The following WDPCP variants were observed in gnomAD, a reference collection of about 807,000 sequenced individuals.
WDPCP encodes the protein WD repeat-containing and planar cell polarity effector protein fritz homolog.
A neutral mutation model predicts 93.1 loss-of-function variants in WDPCP; 71 were observed. The ratio of observed to expected loss-of-function variants is 0.76; its 90% CI spans 0.63 to 0.93. WDPCP has a LOEUF of 0.93. Ranked by LOEUF, WDPCP falls within the 40% of genes least tolerant of loss-of-function variation. WDPCP has a pLI of 0.00. For synonymous variants in WDPCP, 315 were observed against 315.0 expected (o/e 1.00, Z 0.00); for missense variants, 844 against 887.4 (o/e 0.95, Z 0.62).
At chr2:63,666,551 C>A (rs1331019989) in intron 2 of WDPCP, among the ~76,000 whole-genome samples, 2 of 152,176 alleles carry the variant, frequency 1.3e-5, no homozygotes, top group African/African-American at 2.4e-5. Flanking sequence ...CACGCATAAT[C>A]CTGCAGAACT....
intron 9 of WDPCP, among the ~76,000 whole-genome samples, chr2:63,426,067 T>C (rs1696260994): frequency 1.3e-5 from 2 of 152,138 alleles, no homozygotes; most frequent in Admixed American, 1.3e-4. Flanking sequence ...AGGCCGGGCA[T>C]GGTGGCTCAC....
chr2:63,718,965 TG>T (rs767613614), intron 2 of WDPCP, among the ~76,000 whole-genome samples: 15 of 152,184 alleles, frequency 9.9e-5, no homozygotes, highest in Non-Finnish European at 1.5e-5. Flanking sequence ...TATGGGTACT[TG>T]CCAATATAGC....
intron 14 of WDPCP, among the ~76,000 whole-genome samples, chr2:63,203,714 G>C (rs1477541617): frequency 6.6e-6 from 1 of 152,010 alleles, no homozygotes; most frequent in Admixed American, 6.5e-5. Context: ...TTAATTTTTA[G>C]CTCTTATAAA....
chr2:63,221,083 T>C (rs368557233), intron 14 of WDPCP, among the ~76,000 whole-genome samples: 2 of 152,260 alleles, frequency 1.3e-5, no homozygotes, highest in South Asian at 2.1e-4. Flanking sequence ...GTACCACATT[T>C]TCTTTATCCA....
At chr2:63,648,690 G>C (rs1369707055) in intron 3 of WDPCP, among the ~76,000 whole-genome samples, 1 of 152,022 alleles carries the variant, frequency 6.6e-6, no homozygotes, top group African/African-American at 2.4e-5. Context: ...CCATTTTGTT[G>C]CACGAATAAG....
At chr2:63,718,037 A>G (rs1669362577) in intron 2 of WDPCP, 1 of 152,698 alleles carries the variant, frequency 6.5e-6, no homozygotes, top group Non-Finnish European at 1.5e-5. Flanking sequence ...CTGAAAATAC[A>G]TTTGAGGTAA....
chr2:63,549,640 C>T (rs924595665), intron 1 of WDPCP, among the ~76,000 whole-genome samples: 1 of 152,078 alleles, frequency 6.6e-6, no homozygotes, highest in Non-Finnish European at 1.5e-5. Context: ...GTGGCAGAAG[C>T]CTGTAATCCC....
intron 1 of WDPCP, among the ~76,000 whole-genome samples, chr2:63,545,023 T>C (rs982460324): frequency 6.6e-6 from 1 of 152,094 alleles, no homozygotes; most frequent in African/African-American, 2.4e-5. Context: ...TAAAGTAAGC[T>C]GGAGGGAGAA....
chr2:63,458,835 C>G (rs1698812631), intron 6 of WDPCP, among the ~76,000 whole-genome samples: 1 of 152,064 alleles, frequency 6.6e-6, no homozygotes, highest in South Asian at 2.1e-4. Context: ...AAACATATTA[C>G]AAGGATATAG....
At chr2:63,437,578 C>T (rs552373952) in intron 7 of WDPCP, 24 bp from the exon 8 acceptor site, 2 of 1,553,266 alleles carry the variant, frequency 1.3e-6, no homozygotes, top group Non-Finnish European at 1.7e-6. Context: ...TTAGATATTA[C>T]CAAGTTAGAA....
At chr2:63,514,785 G>C (rs912805015) in intron 1 of WDPCP, among the ~76,000 whole-genome samples, 1 of 152,160 alleles carries the variant, frequency 6.6e-6, no homozygotes, top group African/African-American at 2.4e-5. Context: ...GATGTGGATA[G>C]AGAGAGAGTG....
At chr2:63,723,762 T>G (rs1669461186) in intron 2 of WDPCP, among the ~76,000 whole-genome samples, 1 of 152,146 alleles carries the variant, frequency 6.6e-6, no homozygotes, top group Admixed American at 6.5e-5. Flanking sequence ...TGAGGCAACA[T>G]GGATTATAAA....
At chr2:63,333,095 A>G (rs1246595603) in intron 12 of WDPCP, among the ~76,000 whole-genome samples, 1 of 152,152 alleles carries the variant, frequency 6.6e-6, no homozygotes, top group Non-Finnish European at 1.5e-5. Context: ...CGATTGTTTT[A>G]GCACCATTTA....
intron 1 of WDPCP, among the ~76,000 whole-genome samples, chr2:63,497,110 T>G (rs1318882050): frequency 1.1e-4 from 1 of 8,926 alleles, no homozygotes; most frequent in Admixed American, 1.5e-3. Flanking sequence ...AGACTCCATC[T>G]CAAAAAAAAA....
intron 1 of WDPCP, among the ~76,000 whole-genome samples, chr2:63,516,215 C>A (rs1419206970): frequency 1.3e-5 from 2 of 152,006 alleles, no homozygotes; most frequent in Non-Finnish European, 2.9e-5. Context: ...TTTTGGGGTA[C>A]ATGTGATATT....
intron 2 of WDPCP, among the ~76,000 whole-genome samples, chr2:63,716,359 A>T (rs2103769759): frequency 6.6e-6 from 1 of 152,306 alleles, no homozygotes; most frequent in East Asian, 1.9e-4. Context: ...CTATTGCAGT[A>T]AGCTCCTCCC....
chr2:63,611,916 T>A (rs1257663724), intron 3 of WDPCP, among the ~76,000 whole-genome samples: 5 of 152,130 alleles, frequency 3.3e-5, no homozygotes, highest in Non-Finnish European at 7.4e-5. Flanking sequence ...CACAATTGAG[T>A]AAAGCACTTT....
At chr2:63,246,464 G>C (rs1680281554) in intron 14 of WDPCP, among the ~76,000 whole-genome samples, 1 of 152,108 alleles carries the variant, frequency 6.6e-6, no homozygotes, top group South Asian at 2.1e-4. Context: ...CATTAATTCA[G>C]CCATGTGACC....
chr2:63,718,594 G>A (rs1669370075), intron 2 of WDPCP, among the ~76,000 whole-genome samples: 1 of 151,996 alleles, frequency 6.6e-6, no homozygotes, highest in Non-Finnish European at 1.5e-5. Context: ...ACTTTTTAAT[G>A]GGGTTGTTTT....
Sources: allele counts gnomAD v4.1 joint callset (sites outside exome capture counted in the v4.1 genomes callset), GRCh38; gene constraint gnomAD v4.1.1; transcripts MANE v1.5; gene names NCBI Gene and HGNC (gene_info 2026-07-23, HGNC 2026-07-21).